Variants in PI4KA observed in about 807,000 individuals in gnomAD.
The protein encoded by PI4KA is PI4-kinase alpha.
PI4KA carries 122 observed loss-of-function variants against 271.4 expected under a neutral mutation model. The observed-to-expected ratio is 0.45, with a 90% confidence interval of 0.39 to 0.52. PI4KA has a LOEUF of 0.52. Among genes scored for constraint, PI4KA ranks in the 20% least tolerant of loss-of-function variants. The pLI is 0.00. For missense variants in PI4KA, 1,969 were observed against 2,769.1 expected, an observed-to-expected ratio of 0.71 and a Z score of 6.48; for synonymous variants, 1,041 against 1,078.8, an observed-to-expected ratio of 0.96 and a Z score of 0.69.
At chr22:20,746,277 T>C (rs1930097838) in intron 29 of PI4KA, among the ~76,000 whole-genome samples, 1 of 151,976 alleles carries the variant, frequency 6.6e-6, no homozygotes, top group Admixed American at 6.6e-5. Flanking sequence ...TTGGCCAGGA[T>C]GGTCTCGATC....
chr22:20,750,931 C>A (rs932074703), intron 27 of PI4KA, among the ~76,000 whole-genome samples: 6 of 152,368 alleles, frequency 3.9e-5, no homozygotes, highest in Middle Eastern at 3.4e-3. Flanking sequence ...AATGTCAGTG[C>A]ACCTCAGAGA....
chr22:20,807,295 A>G (rs543843290), intron 10 of PI4KA, 67 bp downstream of exon 10: 5 of 951,200 alleles, frequency 5.3e-6, no homozygotes, highest in South Asian at 4.0e-5. Flanking sequence ...TGCAACCACT[A>G]GCATGCGACA....
intron 15 of PI4KA, among the ~76,000 whole-genome samples, 161 bp from the exon 16 acceptor site, chr22:20,799,437 T>C (rs1935168283): frequency 6.6e-6 from 1 of 152,126 alleles, no homozygotes; most frequent in Non-Finnish European, 1.5e-5. Context: ...GGCAGAAACA[T>C]AAGCCCCAGG....
chr22:20,834,712 CT>C, intron 2 of PI4KA, 57 bp from the exon 3 acceptor site: 1 of 1,119,344 alleles, frequency 8.9e-7, no homozygotes, highest in Non-Finnish European at 1.3e-6. Context: ...TGATTGGCAG[CT>C]TTTTAGCCCA....
At chr22:20,767,608 G>A (rs1300517063) in intron 19 of PI4KA, among the ~76,000 whole-genome samples, 3 of 151,812 alleles carry the variant, frequency 2.0e-5, no homozygotes, top group African/African-American at 7.3e-5. Context: ...GAGGACAGGT[G>A]TGCTCCACCA....
rs770280687 is a variant in PI4KA, at chr22:20,819,888, T to C, written c.542A>G (p.Lys181Arg). 1.9e-6 allele frequency: 3 copies of C among 1,613,620 alleles called. No individual in the cohort carries two copies. The highest frequency in any genetic ancestry group is 1.7e-5 in the Admixed American group (1 of 60,012). ...LEIQDKEYLC[K>R]YAIPCLIGIS... The stretch of plus-strand genomic sequence containing the variant: ...TCCTATCAGGCATGGGATAGCATAC[T>C]TGCAAAGGTATTCTAGAAGATCAAG... Residue 181 changes from lysine to arginine, a missense_variant, in exon 6 of 55, where the codon AAG (lysine) becomes AGG (arginine). Lys to Arg is a conservative substitution (Grantham distance 26). Coordinates refer to ENST00000255882, the MANE Select transcript of PI4KA (RefSeq NM_058004.4).
chr22:20,818,459 A>G, intron 7 of PI4KA, 24 bp downstream of exon 7: 1 of 1,557,600 alleles, frequency 6.4e-7, no homozygotes, highest in Non-Finnish European at 8.7e-7. Flanking sequence ...ACGTCAAAAT[A>G]TTCTTCGGAA....
At chr22:20,805,579 T>C (rs1935603979) in intron 10 of PI4KA, among the ~76,000 whole-genome samples, 1 of 152,072 alleles carries the variant, frequency 6.6e-6, no homozygotes, top group Non-Finnish European at 1.5e-5. Flanking sequence ...ACGCCTGTAA[T>C]CTCAGCAACT....
intron 1 of PI4KA, 37 bp downstream of exon 1, chr22:20,858,533 C>A (rs1927945640): frequency 7.5e-7 from 1 of 1,329,514 alleles, no homozygotes; most frequent in African/African-American, 1.5e-5. Context: ...CCCAGCCCCT[C>A]CTCCTGTCAG....
chr22:20,814,124 A>G (rs1921423512), intron 7 of PI4KA, among the ~76,000 whole-genome samples: 1 of 152,168 alleles, frequency 6.6e-6, no homozygotes, highest in Non-Finnish European at 1.5e-5. Context: ...AAAGGTGAAG[A>G]GATATGAAAG....
intron 1 of PI4KA, among the ~76,000 whole-genome samples, chr22:20,857,821 T>C (rs900949506): frequency 6.6e-6 from 1 of 152,214 alleles, no homozygotes; most frequent in Non-Finnish European, 1.5e-5. Flanking sequence ...ATCTGTCTCT[T>C]TCCAGATCTC....
At chr22:20,711,672 CTCAGAACTTAACT>C (rs1925293679) in intron 50 of PI4KA, among the ~76,000 whole-genome samples, 1 of 152,196 alleles carries the variant, frequency 6.6e-6, no homozygotes, top group Non-Finnish European at 1.5e-5. Context: ...TCCTCCCACA[CTCAGAACTTAACT>C]TTCTTCTAAG....
chr22:20,803,905 A>G (rs1308461622), intron 12 of PI4KA, among the ~76,000 whole-genome samples: 3 of 152,236 alleles, frequency 2.0e-5, no homozygotes, highest in South Asian at 4.1e-4. Context: ...AAACAATGGC[A>G]GGTGTGGAGT....
intron 19 of PI4KA, chr22:20,774,101 T>A (rs1013301691): frequency 5.3e-5 from 8 of 152,232 alleles, no homozygotes; most frequent in Non-Finnish European, 1.2e-4. Context: ...ACTGATGACC[T>A]TGGCTGCTTT....
chr22:20,841,230 G>A (rs1196039409), intron 1 of PI4KA, among the ~76,000 whole-genome samples: 1 of 152,132 alleles, frequency 6.6e-6, no homozygotes, highest in Non-Finnish European at 1.5e-5. Context: ...TCCTCTCTCA[G>A]GCCAGGTGCT....
At chr22:20,761,940 C>T (rs1426665160) in intron 22 of PI4KA, among the ~76,000 whole-genome samples, 1 of 152,036 alleles carries the variant, frequency 6.6e-6, no homozygotes, top group Non-Finnish European at 1.5e-5. Context: ...AATTAAGAGG[C>T]CATTAACAGT....
intron 19 of PI4KA, among the ~76,000 whole-genome samples, chr22:20,767,013 C>A (rs1932596537): frequency 1.3e-5 from 2 of 152,186 alleles, no homozygotes; most frequent in South Asian, 4.1e-4. Context: ...CACCCAAAAT[C>A]CCATCCCTGA....
chr22:20,826,539 T>C (rs964102986), intron 3 of PI4KA, among the ~76,000 whole-genome samples: 8 of 152,218 alleles, frequency 5.3e-5, no homozygotes, highest in Admixed American at 5.2e-4. Context: ...TACAGTAGAA[T>C]GATTTACATT....
At chr22:20,832,178 C>T (rs551332214) in intron 3 of PI4KA, among the ~76,000 whole-genome samples, 7 of 144,148 alleles carry the variant, frequency 4.9e-5, no homozygotes, top group East Asian at 2.1e-4. Flanking sequence ...TGCAGTGGCG[C>T]GATCTCGGCT....
Sources: allele counts gnomAD v4.1 joint callset (sites outside exome capture counted in the v4.1 genomes callset), GRCh38; gene constraint gnomAD v4.1.1; transcripts MANE v1.5; gene names NCBI Gene and HGNC (gene_info 2026-07-23, HGNC 2026-07-21).